Variants in ROR2 observed in about 807,000 individuals in gnomAD.
ROR2 encodes ROR family WNT receptor 2.
ROR2 carries 33 observed loss-of-function variants against 74.9 expected under a neutral mutation model. The ratio of observed to expected loss-of-function variants is 0.44; its 90% CI spans 0.33 to 0.59. The LOEUF (loss-of-function observed/expected upper bound fraction) is 0.59. Among genes scored for constraint, ROR2 ranks in the 20% least tolerant of loss-of-function variants. ROR2 has a pLI of 0.02. For synonymous variants in ROR2, 586 were observed against 558.7 expected, an observed-to-expected ratio of 1.05 and a Z score of -0.69; for missense variants, 1,216 against 1,313.8, an observed-to-expected ratio of 0.93 and a Z score of 1.15.
chr9:91,911,474 T>C (rs1444254915), intron 1 of ROR2, among the ~76,000 whole-genome samples: 2 of 151,974 alleles, frequency 1.3e-5, no homozygotes, highest in Non-Finnish European at 2.9e-5. Flanking sequence ...AGACCACCAT[T>C]GTATATGTGG....
intron 1 of ROR2, among the ~76,000 whole-genome samples, chr9:91,909,858 T>G (rs1587839872): frequency 2.4e-5 from 3 of 127,500 alleles, no homozygotes; most frequent in African/African-American, 6.3e-5. Flanking sequence ...TTTTTTTTTT[T>G]TTTTTTTTTT....
chr9:91,923,709 T>C (rs757795360), intron 1 of ROR2: 2 of 152,260 alleles, frequency 1.3e-5, no homozygotes, highest in Non-Finnish European at 2.9e-5. Flanking sequence ...AACCCTCACA[T>C]GCAATTTTAC....
chr9:91,807,258 G>A (rs1228930322), intron 1 of ROR2, among the ~76,000 whole-genome samples: 1 of 152,192 alleles, frequency 6.6e-6, no homozygotes, highest in Admixed American at 6.5e-5. Context: ...AAAAGACAGG[G>A]TTTGGAGAGC....
chr9:91,731,132 C>T lies in ROR2; in HGVS notation c.961G>A (p.Gly321Ser). Residue 321 changes from glycine to serine, a missense_variant, in exon 7 of 9, where the codon GGC (glycine) becomes AGC (serine). Gly to Ser is a moderately conservative substitution (Grantham distance 56). Coordinates refer to ENST00000375708, the MANE Select transcript of ROR2 (RefSeq NM_004560.4). ...CTTGCCGTTCCTCTGTAATCCATGC[C>T]TGAGCCGTTATAGCACTGATGGTCT... ...GRYHQCYNGS[G>S]MDYRGTASTT... is the part of the protein sequence containing the mutation. The T allele has an allele frequency of 6.2e-7, 1 of 1,614,128 alleles. No homozygotes were observed. The highest frequency in any genetic ancestry group is 8.5e-7 in the Non-Finnish European group (1 of 1,180,034).
chr9:91,839,283 T>TGTGTAAGTACAGGC (rs1828713552), intron 1 of ROR2, among the ~76,000 whole-genome samples: 2 of 138,930 alleles, frequency 1.4e-5, no homozygotes, highest in African/African-American at 6.2e-5. Flanking sequence ...TGTGTGTGTG[T>TGTGTAAGTACAGGC]GTGTGTGTGT....
chr9:91,774,790 C>T lies in ROR2; in HGVS notation c.175+951G>A, dbSNP rs529410306. Reference sequence around the variant, plus strand: ...AAGGAGGGCCTGGAGAAGCATGATTCGATACTTTTTTGAGGGGTCTGGGCA... The same window carrying T: ...AAGGAGGGCCTGGAGAAGCATGATTTGATACTTTTTTGAGGGGTCTGGGCA... On this transcript the variant is annotated intron_variant, in intron 2 of 8. Transcript: ENST00000375708. 1.1e-3 allele frequency among the ~76,000 whole-genome samples: 163 copies of T among 152,194 alleles called. 1 individual carries two copies. The highest frequency in any genetic ancestry group is 3.5e-3 in the African/African-American group (147 of 41,532).
chr9:91,947,929 TTAA>T (rs1832056517), intron 1 of ROR2, among the ~76,000 whole-genome samples: 1 of 152,164 alleles, frequency 6.6e-6, no homozygotes, highest in African/African-American at 2.4e-5. Context: ...TTGGATTTTG[TTAA>T]CCTAGCCATA....
At chr9:91,833,097 G>C (rs1384013899) in intron 1 of ROR2, among the ~76,000 whole-genome samples, 1 of 152,186 alleles carries the variant, frequency 6.6e-6, no homozygotes, top group African/African-American at 2.4e-5. Context: ...AAGGTGGGCT[G>C]AGAGACAAAA....
chr9:91,918,364 C>A (rs1831189643), intron 1 of ROR2, among the ~76,000 whole-genome samples: 1 of 150,196 alleles, frequency 6.7e-6, no homozygotes, highest in Non-Finnish European at 1.5e-5. Flanking sequence ...CAACCCTAGG[C>A]TCCCTATAAA....
chr9:91,730,000 A>G (rs1837177967), intron 7 of ROR2, among the ~76,000 whole-genome samples: 1 of 152,192 alleles, frequency 6.6e-6, no homozygotes, highest in Non-Finnish European at 1.5e-5. Context: ...TTTGTTGCCT[A>G]GACTGGAGCG....
intron 1 of ROR2, among the ~76,000 whole-genome samples, chr9:91,792,517 C>T (rs546300809): frequency 4.9e-4 from 75 of 152,184 alleles, no homozygotes; most frequent in Non-Finnish European, 6.6e-4. Context: ...ACCGTGTTAG[C>T]CAAGATGGTC....
intron 1 of ROR2, among the ~76,000 whole-genome samples, chr9:91,851,613 G>T (rs1007475189): frequency 6.6e-6 from 1 of 152,132 alleles, no homozygotes; most frequent in African/African-American, 2.4e-5. Context: ...GTGCTAGTTG[G>T]AACTGTATTA....
intron 1 of ROR2, among the ~76,000 whole-genome samples, chr9:91,898,758 T>C (rs75611067): frequency 0.069 from 10,573 of 152,272 alleles, 602 homozygotes; most frequent in African/African-American, 0.15. Flanking sequence ...TCCTGACTAT[T>C]AGTCACAAGG....
intron 1 of ROR2, among the ~76,000 whole-genome samples, chr9:91,876,348 G>A (rs1032083760): frequency 6.0e-5 from 9 of 149,998 alleles, no homozygotes; most frequent in Admixed American, 4.7e-4. Flanking sequence ...CAGCACGGGC[G>A]GCAGAGCCAG....
chr9:91,929,431 G>T (rs1056527063), intron 1 of ROR2, among the ~76,000 whole-genome samples: 1 of 152,178 alleles, frequency 6.6e-6, no homozygotes, highest in African/African-American at 2.4e-5. Context: ...CTTCTCAGAG[G>T]ATAAGACAAG....
At position 91,746,233 on chromosome 9, in the gene ROR2, C is replaced by G. The variant is rs898624863; in HGVS notation, c.495-8715G>C. Among the ~76,000 whole-genome samples, 5 of 152,150 alleles carry G rather than the reference C, an allele frequency of 3.3e-5. 1 individual carries two copies. The highest frequency in any genetic ancestry group is 3.4e-3 in the Middle Eastern group (1 of 294). ...CTGGGATTACAGGCACGCACCACCA[C>G]GCCTGGCTAATGTTTGTATTTTTAG... On this transcript the variant is annotated intron_variant, in intron 4 of 8. Coordinates refer to ENST00000375708, the MANE Select transcript of ROR2 (RefSeq NM_004560.4).
intron 1 of ROR2, among the ~76,000 whole-genome samples, chr9:91,891,046 T>C (rs1830406897): frequency 6.6e-6 from 1 of 152,208 alleles, no homozygotes; most frequent in African/African-American, 2.4e-5. Flanking sequence ...TTTCCATCTC[T>C]ATTTTCAAGT....
intron 1 of ROR2, among the ~76,000 whole-genome samples, chr9:91,785,862 A>G (rs1252806381): frequency 2.0e-5 from 3 of 152,152 alleles, no homozygotes; most frequent in Non-Finnish European, 4.4e-5. Flanking sequence ...AGGTTCCACA[A>G]TCTCTCTGAC....
rs941165007 is a variant in ROR2, at chr9:91,762,657, A to G, written c.176-5098T>C. 3.3e-5 allele frequency among the ~76,000 whole-genome samples: 5 copies of G among 152,346 alleles called. No individual in the cohort carries two copies. In the South Asian group the frequency reaches 6.2e-4, roughly 19 times the overall value. ...GCTTATTTTTCTCCAGAGAACTTGT[A>G]TGCATCATTCCAATGCATATTTATA... is the stretch of plus-strand genomic sequence containing the variant. On this transcript the variant is annotated intron_variant, in intron 2 of 8. Coordinates refer to ENST00000375708, the MANE Select transcript of ROR2 (RefSeq NM_004560.4).
Sources: allele counts gnomAD v4.1 joint callset (sites outside exome capture counted in the v4.1 genomes callset), GRCh38; gene constraint gnomAD v4.1.1; transcripts MANE v1.5; gene names NCBI Gene and HGNC (gene_info 2026-07-23, HGNC 2026-07-21).